Variants in EDIL3 observed in about 807,000 individuals in gnomAD.
EDIL3 encodes the protein EGF-like repeat and discoidin I-like domain-containing protein 3.
A neutral mutation model predicts 67.4 loss-of-function variants in EDIL3; 37 were observed. The observed-to-expected ratio is 0.55, with a 90% confidence interval of 0.42 to 0.72. The LOEUF (loss-of-function observed/expected upper bound fraction) is 0.72, where lower values mean the gene tolerates loss of function less well. EDIL3 is among the 30% of genes least tolerant of loss of function. EDIL3 has a pLI of 0.00. For missense variants in EDIL3, 527 were observed against 586.3 expected, an observed-to-expected ratio of 0.90 and a Z score of 1.04; for synonymous variants, 195 against 196.3, an observed-to-expected ratio of 0.99 and a Z score of 0.05.
chr5:84,014,309 GA>G (rs571974702), intron 9 of EDIL3, among the ~76,000 whole-genome samples: 164 of 152,286 alleles, frequency 1.1e-3, no homozygotes, highest in African/African-American at 3.6e-3. Context: ...TGGTAGCATG[GA>G]AGTGTTGTAT....
intron 1 of EDIL3, among the ~76,000 whole-genome samples, chr5:84,376,463 T>C (rs1298433897): frequency 6.6e-6 from 1 of 152,224 alleles, no homozygotes; most frequent in East Asian, 1.9e-4. Flanking sequence ...GCAGCTTTTC[T>C]TTTAATTGAA....
At chr5:84,289,050 G>A (rs1025174701) in intron 1 of EDIL3, among the ~76,000 whole-genome samples, 5 of 152,110 alleles carry the variant, frequency 3.3e-5, no homozygotes, top group Admixed American at 1.3e-4. Context: ...TCTTATCCTA[G>A]AATGGCACAT....
At chr5:84,050,632 A>G (rs1377775798) in intron 9 of EDIL3, among the ~76,000 whole-genome samples, 8 of 152,166 alleles carry the variant, frequency 5.3e-5, no homozygotes, top group African/African-American at 1.9e-4. Flanking sequence ...GTGCTTTTCC[A>G]GTGGTCTTAG....
intron 1 of EDIL3, among the ~76,000 whole-genome samples, chr5:84,298,369 C>G (rs1746091678): frequency 6.6e-6 from 1 of 152,058 alleles, no homozygotes; most frequent in Non-Finnish European, 1.5e-5. Context: ...CAGCAAACTA[C>G]CACAGGAACA....
At chr5:84,106,558 A>C (rs1046075804) in intron 6 of EDIL3, 91 bp downstream of exon 6, 1 of 1,426,866 alleles carries the variant, frequency 7.0e-7, no homozygotes, top group East Asian at 2.4e-5. Context: ...AGGAAGAGTC[A>C]CACTGAGTTC....
intron 9 of EDIL3, among the ~76,000 whole-genome samples, chr5:84,037,547 T>C (rs971069721): frequency 1.6e-4 from 24 of 152,196 alleles, no homozygotes; most frequent in African/African-American, 5.6e-4. Flanking sequence ...TTAATATATT[T>C]ATGTGATATA....
chr5:84,255,556 G>T (rs1244515521), intron 1 of EDIL3, among the ~76,000 whole-genome samples: 8 of 152,126 alleles, frequency 5.3e-5, no homozygotes, highest in Admixed American at 1.3e-4. Flanking sequence ...CAATGAGTAA[G>T]GGACTTTTCA....
rs544453819 is a variant in EDIL3 at position 84,106,911 on chromosome 5, T to C, written c.470-81A>G. The C allele has an allele frequency of 4.2e-4, 605 of 1,439,814 alleles. 2 individuals are homozygous for C. The East Asian group carries it at 0.012, about 30-fold the overall frequency. The allele number at this position is 1,439,814 out of a possible 1,614,324, so 89.2% of individuals were successfully genotyped here. A position where few individuals can be genotyped will look rare whatever the true frequency, so the allele number is the denominator to read the frequency against. Reference sequence around the variant, plus strand: ...ATGTGTCTGTTCGATTTGATAGGATTTTTTTAAATGATTTGAATTTGCACC... The same window carrying C: ...ATGTGTCTGTTCGATTTGATAGGATCTTTTTAAATGATTTGAATTTGCACC... On this transcript the variant is annotated intron_variant, in intron 5 of 10. Coordinates refer to ENST00000296591, the MANE Select transcript of EDIL3 (RefSeq NM_005711.5).
chr5:84,369,316 G>T (rs561867647), intron 1 of EDIL3, among the ~76,000 whole-genome samples: 1 of 151,298 alleles, frequency 6.6e-6, no homozygotes, highest in Non-Finnish European at 1.5e-5. Context: ...TACCACAAGG[G>T]AATAGTATAC....
chr5:84,291,240 T>C (rs1745906542), intron 1 of EDIL3, among the ~76,000 whole-genome samples: 1 of 152,136 alleles, frequency 6.6e-6, no homozygotes, highest in East Asian at 1.9e-4. Context: ...ACTAAATTGA[T>C]TTTCATGATC....
chr5:83,951,543 G>A (rs755526501), intron 10 of EDIL3, among the ~76,000 whole-genome samples: 68 of 151,178 alleles, frequency 4.5e-4, no homozygotes, highest in Non-Finnish European at 8.1e-4. Context: ...AATAATAATT[G>A]GCCAAAACAT....
chr5:84,076,941 CAGTACTCAGCAAA>C (rs1226671867), intron 6 of EDIL3, among the ~76,000 whole-genome samples: 2 of 152,188 alleles, frequency 1.3e-5, no homozygotes, highest in Non-Finnish European at 2.9e-5. Context: ...GGTCACATTT[CAGTACTCAGCAAA>C]AGTGCTTTAT....
intron 3 of EDIL3, among the ~76,000 whole-genome samples, chr5:84,215,692 A>G (rs1744214430): frequency 6.6e-6 from 1 of 152,218 alleles, no homozygotes. Context: ...GACATGAAGG[A>G]TGTGACTGAG....
chr5:84,305,772 G>A (rs953604113), intron 1 of EDIL3, among the ~76,000 whole-genome samples: 1 of 151,980 alleles, frequency 6.6e-6, no homozygotes, highest in African/African-American at 2.4e-5. Flanking sequence ...CCAGCTACTC[G>A]GGAGGCTGAG....
intron 1 of EDIL3, among the ~76,000 whole-genome samples, chr5:84,258,165 T>C (rs961905829): frequency 1.3e-5 from 2 of 152,220 alleles, no homozygotes; most frequent in Admixed American, 6.5e-5. Context: ...ATTAGTAGCA[T>C]GCTTTAATCA....
At chr5:83,961,778 T>C (rs923656458) in intron 10 of EDIL3, among the ~76,000 whole-genome samples, 2 of 151,386 alleles carry the variant, frequency 1.3e-5, no homozygotes, top group Admixed American at 6.6e-5. Context: ...CAAACACTTG[T>C]CTATAGCTCA....
At chr5:84,207,168 T>G (rs1293904881) in intron 3 of EDIL3, among the ~76,000 whole-genome samples, 2 of 152,172 alleles carry the variant, frequency 1.3e-5, no homozygotes, top group Non-Finnish European at 2.9e-5. Flanking sequence ...GCCCAAAATC[T>G]CCTTAAGCTG....
chr5:83,963,468 C>T, intron 9 of EDIL3, 108 bp from the exon 10 acceptor site: 2 of 1,241,580 alleles, frequency 1.6e-6, no homozygotes, highest in Non-Finnish European at 1.1e-6. Flanking sequence ...AATCAAAAAT[C>T]TGTCTAGTTA....
At chr5:84,337,912 T>C (rs1161166139) in intron 1 of EDIL3, among the ~76,000 whole-genome samples, 6 of 152,122 alleles carry the variant, frequency 3.9e-5, no homozygotes, top group Non-Finnish European at 5.9e-5. Flanking sequence ...AGGTTATCAG[T>C]CATGCAACTA....
Sources: allele counts gnomAD v4.1 joint callset (sites outside exome capture counted in the v4.1 genomes callset), GRCh38; gene constraint gnomAD v4.1.1; transcripts MANE v1.5; gene names NCBI Gene and HGNC (gene_info 2026-07-23, HGNC 2026-07-21).